The following ZBTB7C variants were observed in gnomAD, a reference collection of about 807,000 sequenced individuals.
ZBTB7C encodes zinc finger and BTB domain containing 7C.
In ZBTB7C, 8 loss-of-function variants were observed where a neutral mutation model predicts 25.7. The ratio of observed to expected loss-of-function variants is 0.31; its 90% CI spans 0.18 to 0.56. ZBTB7C has a LOEUF of 0.56. Among genes scored for constraint, ZBTB7C ranks in the 20% least tolerant of loss-of-function variants. ZBTB7C has a pLI of 0.91. For synonymous variants in ZBTB7C, 394 were observed against 369.0 expected, an observed-to-expected ratio of 1.07 and a Z score of -0.78; for missense variants, 824 against 855.2, an observed-to-expected ratio of 0.96 and a Z score of 0.46.
chr18:48,062,626 T>C (rs759163822), intron 3 of ZBTB7C, among the ~76,000 whole-genome samples: 5 of 152,086 alleles, frequency 3.3e-5, no homozygotes, highest in African/African-American at 1.2e-4. Flanking sequence ...AGACCAGGAG[T>C]GGCCAAGTCA....
chr18:48,273,848 A>G (rs2044561558), intron 2 of ZBTB7C, among the ~76,000 whole-genome samples: 1 of 152,178 alleles, frequency 6.6e-6, no homozygotes, highest in Non-Finnish European at 1.5e-5. Flanking sequence ...TAGTGAAAAT[A>G]TGAGTGATTT....
chr18:48,396,883 T>C (rs762725243), intron 1 of ZBTB7C, among the ~76,000 whole-genome samples: 7 of 152,216 alleles, frequency 4.6e-5, no homozygotes, highest in African/African-American at 7.2e-5. Flanking sequence ...TATCCATCTA[T>C]AGAATTATAA....
At chr18:48,054,019 C>T (rs780475117) in intron 3 of ZBTB7C, among the ~76,000 whole-genome samples, 46 of 152,278 alleles carry the variant, frequency 3.0e-4, no homozygotes, top group Admixed American at 1.9e-3. Context: ...GACAGGAATG[C>T]CAGGGAGTTT....
At chr18:48,064,999 C>T (rs578163366) in intron 3 of ZBTB7C, among the ~76,000 whole-genome samples, 4 of 152,318 alleles carry the variant, frequency 2.6e-5, no homozygotes, top group South Asian at 4.1e-4. Context: ...AGACTTTAAC[C>T]GCCAAACATC....
intron 2 of ZBTB7C, among the ~76,000 whole-genome samples, chr18:48,212,503 T>C (rs1041929780): frequency 6.6e-6 from 1 of 152,054 alleles, no homozygotes; most frequent in Non-Finnish European, 1.5e-5. Context: ...GATGTGTCAC[T>C]GTAGGTTCAT....
In ZBTB7C at chr18:48,162,140, C is replaced by G. The variant is rs371646190; in HGVS notation, c.-17+23794G>C. Among the ~76,000 whole-genome samples, 18 of 150,376 alleles carry G rather than the reference C, an allele frequency of 1.2e-4. No homozygotes were observed. In the East Asian group the frequency reaches 3.1e-3, roughly 26 times the overall value. On this transcript the variant is annotated intron_variant, in intron 3 of 4. Transcript: ENST00000590800. ...TCCAGGCAGGGCTTCGTGCCAGACC[C>G]GGCTGTAGTTATCAGCTGGGTGGAG...
chr18:48,217,942 G>A lies in ZBTB7C; in HGVS notation c.-78-31947C>T, dbSNP rs570116319. On this transcript the variant is annotated intron_variant, in intron 2 of 4. Transcript: ENST00000590800. ...GGGGGAGCCCTGGGATGAGCCACAC[G>A]GCTACCAACTCAGTGTACCACAGTA... Among the ~76,000 whole-genome samples the A allele has an allele frequency of 2.8e-4, 43 of 152,190 alleles. 1 individual carries two copies. Among genetic ancestry groups the A allele is most frequent in the African/African-American group, 7.7e-4 (32 of 41,526 alleles).
At chr18:48,323,123 A>T (rs779505816) in intron 2 of ZBTB7C, among the ~76,000 whole-genome samples, 1 of 152,232 alleles carries the variant, frequency 6.6e-6, no homozygotes. Context: ...CCAACATCTC[A>T]CAAATCACCA....
chr18:48,320,642 T>A (rs1373933199), intron 2 of ZBTB7C, among the ~76,000 whole-genome samples: 2 of 152,152 alleles, frequency 1.3e-5, no homozygotes. Context: ...AGACATGCAA[T>A]ATAAAATCTA....
intron 1 of ZBTB7C, among the ~76,000 whole-genome samples, chr18:48,400,429 T>A (rs544155556): frequency 3.9e-5 from 6 of 152,342 alleles, no homozygotes; most frequent in African/African-American, 7.2e-5. Flanking sequence ...GAGGAATGGT[T>A]CCCTGGGGAA....
Position 48,029,194 on chromosome 18 carries a change from A to G in ZBTB7C, c.*66T>C. The G allele has an allele frequency of 2.0e-6, 3 of 1,466,706 alleles. No homozygotes were observed. The highest frequency in any genetic ancestry group is 2.7e-6 in the Non-Finnish European group (3 of 1,116,054). 90.9% of individuals were successfully genotyped at this position (1,466,706 alleles called of 1,614,324 possible). Reference sequence around the variant, plus strand: ...AATGAAAAGTTCAGATCCATGGGGTAGGGTAGAGTGGGCCTGGAGGGAGAA... The same window carrying G: ...AATGAAAAGTTCAGATCCATGGGGTGGGGTAGAGTGGGCCTGGAGGGAGAA... On this transcript the variant is annotated 3_prime_UTR_variant, in exon 5 of 5. Coordinates refer to ENST00000590800, the MANE Select transcript of ZBTB7C (RefSeq NM_001318841.2).
At chr18:48,165,707 C>T (rs1317291905) in intron 3 of ZBTB7C, 1 of 153,594 alleles carries the variant, frequency 6.5e-6, no homozygotes, top group East Asian at 1.9e-4. Flanking sequence ...CAAGAATCCC[C>T]TTCCTGGCTC....
intron 2 of ZBTB7C, among the ~76,000 whole-genome samples, chr18:48,327,695 G>T (rs1283447744): frequency 5.3e-5 from 8 of 152,286 alleles, no homozygotes; most frequent in Admixed American, 4.6e-4. Context: ...GAGGATGGAG[G>T]CTTCAGCTGT....
chr18:48,325,858 T>G (rs1386186557), intron 2 of ZBTB7C, among the ~76,000 whole-genome samples: 1 of 152,048 alleles, frequency 6.6e-6, no homozygotes, highest in East Asian at 1.9e-4. Context: ...AATCCATCCT[T>G]TGACTAGTGT....
chr18:48,172,755 G>A (rs1195885733), intron 3 of ZBTB7C, among the ~76,000 whole-genome samples: 1 of 152,218 alleles, frequency 6.6e-6, no homozygotes, highest in Non-Finnish European at 1.5e-5. Flanking sequence ...TCTGTCCCAG[G>A]CCAGCCTGCC....
chr18:48,388,984 T>C (rs2047815170), intron 1 of ZBTB7C, among the ~76,000 whole-genome samples: 1 of 152,128 alleles, frequency 6.6e-6, no homozygotes, highest in Non-Finnish European at 1.5e-5. Flanking sequence ...GTTTACAGGA[T>C]TAAGTTGACC....
chr18:48,037,520 C>T (rs1043715259), intron 4 of ZBTB7C, among the ~76,000 whole-genome samples: 20 of 152,222 alleles, frequency 1.3e-4, no homozygotes, highest in South Asian at 2.1e-4. Flanking sequence ...TGACTACGCA[C>T]GGTTAAAACC....
intron 3 of ZBTB7C, among the ~76,000 whole-genome samples, chr18:48,115,012 G>T (rs1456722425): frequency 3.9e-5 from 6 of 152,104 alleles, no homozygotes; most frequent in Admixed American, 3.3e-4. Flanking sequence ...TCATTGCTAT[G>T]ATCTATTCCC....
chr18:48,230,313 C>T (rs1426855040), intron 2 of ZBTB7C, among the ~76,000 whole-genome samples: 1 of 152,212 alleles, frequency 6.6e-6, no homozygotes, highest in African/African-American at 2.4e-5. Context: ...ATGTCTGCCC[C>T]AACCTAGCTG....
Sources: allele counts gnomAD v4.1 joint callset (sites outside exome capture counted in the v4.1 genomes callset), GRCh38; gene constraint gnomAD v4.1.1; transcripts MANE v1.5; gene names NCBI Gene and HGNC (gene_info 2026-07-23, HGNC 2026-07-21).